The following ST6GALNAC5 variants were observed in gnomAD, a reference collection of about 807,000 sequenced individuals.
ST6GALNAC5 encodes alpha-N-acetylgalactosaminide alpha-2,6-sialyltransferase 5.
Under a neutral mutation model 33.6 loss-of-function variants are expected in ST6GALNAC5, and 27 were observed. That is an observed-to-expected ratio of 0.80 (90% CI 0.59 to 1.11). The LOEUF (loss-of-function observed/expected upper bound fraction) is 1.11, where lower values mean the gene tolerates loss of function less well. Among genes scored for constraint, ST6GALNAC5 ranks in the 50% least tolerant of loss-of-function variants. ST6GALNAC5 has a pLI of 0.00. For missense variants in ST6GALNAC5, 428 were observed against 454.0 expected (o/e 0.94, Z 0.52); for synonymous variants, 194 against 171.2 (o/e 1.13, Z -1.04).
intron 2 of ST6GALNAC5, among the ~76,000 whole-genome samples, chr1:76,943,756 C>CT (rs910132281): frequency 1.3e-4 from 19 of 151,636 alleles, no homozygotes; most frequent in Admixed American, 3.9e-4. Context: ...TAACTGGAAT[C>CT]TTTTTTTTTC....
chr1:77,020,290 C>T (rs369930529), intron 2 of ST6GALNAC5, among the ~76,000 whole-genome samples: 6 of 152,130 alleles, frequency 3.9e-5, no homozygotes, highest in African/African-American at 9.7e-5. Context: ...GTCTTGCACT[C>T]GTTAGGCAGT....
In ST6GALNAC5 at chr1:77,054,027, G is replaced by T. The variant is rs566054029; in HGVS notation, c.779+3662G>T. The stretch of plus-strand genomic sequence containing the variant: ...CATTTCAGACCATAAGACAAAATTA[G>T]TACCCTCAAAAAAGTCACTAACTAA... On this transcript the variant is annotated intron_variant, in intron 4 of 4. Coordinates refer to ENST00000477717, the MANE Select transcript of ST6GALNAC5 (RefSeq NM_030965.3). Among the ~76,000 whole-genome samples the T allele has an allele frequency of 9.9e-5, 15 of 152,266 alleles. No individual in the cohort carries two copies. In the South Asian group the frequency reaches 2.3e-3, roughly 23 times the overall value.
At chr1:77,031,891 T>C (rs1379890900) in intron 2 of ST6GALNAC5, among the ~76,000 whole-genome samples, 2 of 152,168 alleles carry the variant, frequency 1.3e-5, no homozygotes, top group Non-Finnish European at 2.9e-5. Flanking sequence ...AGAGAGACAT[T>C]GAATCAGTGA....
At chr1:76,972,782 C>A (rs1009129036) in intron 2 of ST6GALNAC5, among the ~76,000 whole-genome samples, 2 of 152,116 alleles carry the variant, frequency 1.3e-5, no homozygotes, top group African/African-American at 4.8e-5. Context: ...TTTGCACTCC[C>A]ATCATCAATA....
rs1161404094 is a variant in ST6GALNAC5 at position 76,940,154 on chromosome 1, A to G, written c.261+71412A>G. 3.9e-5 allele frequency among the ~76,000 whole-genome samples: 6 copies of G among 152,030 alleles called. No individual in the cohort carries two copies. In the East Asian group the frequency reaches 5.8e-4, roughly 15 times the overall value. ...TAATTATGAGTGTTTAATAAACGCT[A>G]TAATTACTGGACACGACTCTAAGTA... On this transcript the variant is annotated intron_variant, in intron 2 of 4. Coordinates refer to ENST00000477717, the MANE Select transcript of ST6GALNAC5 (RefSeq NM_030965.3).
In ST6GALNAC5 at chr1:77,063,372, T is replaced by C; in HGVS notation, c.*166T>C. 1 of 632,768 alleles carries C rather than the reference T, an allele frequency of 1.6e-6. No individual in the cohort carries two copies. The highest frequency in any genetic ancestry group is 2.0e-5 in the South Asian group (1 of 49,830). The allele number at this position is 632,768 out of a possible 1,614,324, so 39.2% of individuals were successfully genotyped here. On this transcript the variant is annotated 3_prime_UTR_variant, in exon 5 of 5. Transcript: ENST00000477717. ...GGGGTGACAAAGCAGTGCAGTTGGATTGTAAGGAAAAATTCCGGAATTAAT... is the reference window on the plus strand; with the variant it reads ...GGGGTGACAAAGCAGTGCAGTTGGACTGTAAGGAAAAATTCCGGAATTAAT...
chr1:76,921,517 T>C (rs1462588914), intron 2 of ST6GALNAC5, among the ~76,000 whole-genome samples: 3 of 152,048 alleles, frequency 2.0e-5, no homozygotes, highest in Non-Finnish European at 4.4e-5. Flanking sequence ...AATAATAAAA[T>C]AGGGATTTCA....
intron 2 of ST6GALNAC5, among the ~76,000 whole-genome samples, chr1:76,960,746 T>G (rs1202006906): frequency 1.3e-5 from 2 of 152,196 alleles, no homozygotes; most frequent in Admixed American, 1.3e-4. Context: ...CCATTTGCTT[T>G]TGAAAGAAGA....
intron 2 of ST6GALNAC5, among the ~76,000 whole-genome samples, chr1:76,893,841 TG>T (rs1654065719): frequency 6.6e-6 from 1 of 152,070 alleles, no homozygotes; most frequent in South Asian, 2.1e-4. Context: ...TTGCATTTTT[TG>T]TAGAGACAGG....
At chr1:77,050,472 C>T (rs1347127575) in intron 4 of ST6GALNAC5, 107 bp downstream of exon 4, 2 of 993,902 alleles carry the variant, frequency 2.0e-6, no homozygotes, top group East Asian at 4.9e-5. Flanking sequence ...CTTCTTGAAG[C>T]AATTAATTAG....
chr1:77,061,474 A>G (rs557952550), intron 4 of ST6GALNAC5, among the ~76,000 whole-genome samples: 57 of 152,316 alleles, frequency 3.7e-4, no homozygotes, highest in Middle Eastern at 3.4e-3. Context: ...TCTTTGGGAA[A>G]CCAAGTTATT....
chr1:77,044,954 T>C (rs887456395), intron 3 of ST6GALNAC5, among the ~76,000 whole-genome samples: 3 of 152,172 alleles, frequency 2.0e-5, no homozygotes, highest in African/African-American at 7.2e-5. Flanking sequence ...AAAAAAAGTA[T>C]ATGGGTTTAT....
chr1:76,881,682 G>A (rs1718924), intron 2 of ST6GALNAC5, among the ~76,000 whole-genome samples: 4,734 of 152,114 alleles, frequency 0.031, 237 homozygotes, highest in African/African-American at 0.11. Flanking sequence ...AAGATTTTGT[G>A]TTTCTTCTAA....
At chr1:76,933,549 T>C (rs1647165811) in intron 2 of ST6GALNAC5, among the ~76,000 whole-genome samples, 1 of 151,906 alleles carries the variant, frequency 6.6e-6, no homozygotes, top group African/African-American at 2.4e-5. Flanking sequence ...ACCTAAAATC[T>C]ACAGATTTCA....
intron 2 of ST6GALNAC5, among the ~76,000 whole-genome samples, chr1:76,935,646 A>T (rs934697588): frequency 2.0e-5 from 3 of 151,974 alleles, no homozygotes; most frequent in Non-Finnish European, 4.4e-5. Context: ...TTCCTCATAA[A>T]GGGGAAATTG....
chr1:76,965,900 A>G (rs372171640), intron 2 of ST6GALNAC5, among the ~76,000 whole-genome samples: 1 of 152,202 alleles, frequency 6.6e-6, no homozygotes, highest in East Asian at 1.9e-4. Context: ...CAGGTTTGTC[A>G]AAGATCAGAT....
chr1:76,879,125 G>T (rs1159258136), intron 2 of ST6GALNAC5, among the ~76,000 whole-genome samples: 1 of 152,120 alleles, frequency 6.6e-6, no homozygotes, highest in Non-Finnish European at 1.5e-5. Flanking sequence ...TTGATCAAGG[G>T]TATGTCTTCT....
At chr1:77,015,939 T>A (rs554638882) in intron 2 of ST6GALNAC5, among the ~76,000 whole-genome samples, 1 of 151,962 alleles carries the variant, frequency 6.6e-6, no homozygotes, top group South Asian at 2.1e-4. Context: ...TGTAAGTAGC[T>A]TTCTCCTCAG....
chr1:76,902,817 G>A (rs1379413412), intron 2 of ST6GALNAC5, among the ~76,000 whole-genome samples: 2 of 152,186 alleles, frequency 1.3e-5, no homozygotes, highest in Admixed American at 1.3e-4. Flanking sequence ...GTGCTAGGAT[G>A]ATTGTATATC....
Sources: allele counts gnomAD v4.1 joint callset (sites outside exome capture counted in the v4.1 genomes callset), GRCh38; gene constraint gnomAD v4.1.1; transcripts MANE v1.5; gene names NCBI Gene and HGNC (gene_info 2026-07-23, HGNC 2026-07-21).